Variants in GALNT7 observed in about 807,000 individuals in gnomAD.
The protein encoded by GALNT7 is N-acetylgalactosaminyltransferase 7.
A neutral mutation model predicts 82.1 loss-of-function variants in GALNT7; 60 were observed. That is an observed-to-expected ratio of 0.73 (90% confidence interval 0.59 to 0.91). GALNT7 has a LOEUF of 0.91. GALNT7 is among the 40% of genes least tolerant of loss of function. The pLI, the probability that GALNT7 is intolerant of heterozygous loss-of-function variation, is 0.00. For synonymous variants in GALNT7, 243 were observed against 275.1 expected, an observed-to-expected ratio of 0.88 and a Z score of 1.15; for missense variants, 660 against 804.2, an observed-to-expected ratio of 0.82 and a Z score of 2.17.
intron 2 of GALNT7, among the ~76,000 whole-genome samples, chr4:173,262,185 A>G (rs545040389): frequency 2.4e-4 from 37 of 152,266 alleles, no homozygotes; most frequent in African/African-American, 8.9e-4. Flanking sequence ...GAGCATTTTA[A>G]TAGCTTTTTT....
intron 1 of GALNT7, among the ~76,000 whole-genome samples, chr4:173,213,013 G>A (rs990696130): frequency 2.0e-5 from 3 of 152,084 alleles, no homozygotes; most frequent in Admixed American, 2.0e-4. Flanking sequence ...ACAAATGGAT[G>A]TAATTGTATA....
At chr4:173,177,506 T>C (rs1004645808) in intron 1 of GALNT7, among the ~76,000 whole-genome samples, 1 of 151,056 alleles carries the variant, frequency 6.6e-6, no homozygotes, top group Non-Finnish European at 1.5e-5. Context: ...AGGAGAAAAA[T>C]GTGTGTATTA....
Position 173,323,385 on chromosome 4 carries a change from T to C in GALNT7, c.*1668T>C, listed in dbSNP as rs997415880. 6.6e-6 allele frequency: 1 copy of C among 152,626 alleles called. No homozygotes were observed. Among genetic ancestry groups the C allele is most frequent in the Non-Finnish European group, 1.5e-5 (1 of 67,998 alleles). 9.5% of individuals were successfully genotyped at this position (152,626 alleles called of 1,614,324 possible). On this transcript the variant is annotated 3_prime_UTR_variant, in exon 12 of 12. Coordinates refer to ENST00000265000, the MANE Select transcript of GALNT7 (RefSeq NM_017423.3). ...TTTGAATTGTCAATTTGTATTTTGC[T>C]ACTGATCTGTGATCAACCATTTTAA...
At chr4:173,301,590 CCT>C (rs1736938481) in intron 6 of GALNT7, among the ~76,000 whole-genome samples, 1 of 152,014 alleles carries the variant, frequency 6.6e-6, no homozygotes, top group African/African-American at 2.4e-5. Context: ...TTGGCGAGCC[CCT>C]GAGCTATAAA....
At chr4:173,274,289 T>C (rs1735824904) in intron 2 of GALNT7, among the ~76,000 whole-genome samples, 2 of 152,340 alleles carry the variant, frequency 1.3e-5, no homozygotes, top group South Asian at 2.1e-4. Flanking sequence ...TTCAGTATTC[T>C]TAATTTTCCA....
intron 2 of GALNT7, among the ~76,000 whole-genome samples, chr4:173,254,668 A>G (rs533155021): frequency 2.4e-4 from 36 of 152,352 alleles, no homozygotes; most frequent in African/African-American, 8.4e-4. Context: ...TGGTGGTTCT[A>G]TGTGACCATC....
At chr4:173,218,024 G>A (rs35679682) in intron 1 of GALNT7, among the ~76,000 whole-genome samples, 17,971 of 152,216 alleles carry the variant, frequency 0.12, 1,346 homozygotes, top group Non-Finnish European at 0.17. Flanking sequence ...TAATTTCTCT[G>A]CCTGAATCAC....
chr4:173,290,181 T>C (rs1736483973), intron 2 of GALNT7, among the ~76,000 whole-genome samples: 1 of 152,256 alleles, frequency 6.6e-6, no homozygotes, highest in South Asian at 2.1e-4. Context: ...AGGATGATTA[T>C]TGAAACATTA....
chr4:173,270,808 T>C (rs1046325099), intron 2 of GALNT7, among the ~76,000 whole-genome samples: 1 of 152,270 alleles, frequency 6.6e-6, no homozygotes, highest in African/African-American at 2.4e-5. Context: ...TGTGTTTTCC[T>C]TTCCCGCTTA....
At chr4:173,182,058 A>C (rs189673982) in intron 1 of GALNT7, among the ~76,000 whole-genome samples, 8 of 152,350 alleles carry the variant, frequency 5.3e-5, no homozygotes, top group Non-Finnish European at 8.8e-5. Context: ...CAGTAAGATA[A>C]AAGTAAATGT....
At chr4:173,232,638 G>T (rs1734067475) in intron 1 of GALNT7, among the ~76,000 whole-genome samples, 1 of 152,020 alleles carries the variant, frequency 6.6e-6, no homozygotes, top group Non-Finnish European at 1.5e-5. Context: ...GTCTCTCTAT[G>T]CTGCCGAGGC....
intron 2 of GALNT7, among the ~76,000 whole-genome samples, chr4:173,283,389 C>T (rs1255574702): frequency 1.3e-5 from 2 of 152,062 alleles, no homozygotes; most frequent in Non-Finnish European, 2.9e-5. Flanking sequence ...CCTCTAATCC[C>T]AGCACTTTGG....
rs1160932016 is a variant in GALNT7, at chr4:173,301,630, G to T, written c.1149-417G>T. On this transcript the variant is annotated intron_variant, in intron 6 of 11. Transcript: ENST00000265000. ...TAAAAAATGACAGACTACTTCCATG[G>T]TGTATGGTTTTGTTCACCCAAGAAT... is the stretch of plus-strand genomic sequence containing the variant. 2.0e-5 allele frequency among the ~76,000 whole-genome samples: 3 copies of T among 152,178 alleles called. No individual in the cohort carries two copies. The East Asian group carries it at 5.8e-4, about 29-fold the overall frequency.
chr4:173,238,440 C>A (rs1232050702), intron 1 of GALNT7, among the ~76,000 whole-genome samples: 1 of 152,058 alleles, frequency 6.6e-6, no homozygotes, highest in Non-Finnish European at 1.5e-5. Flanking sequence ...TTTATTATTT[C>A]TAAAAAGTAT....
At chr4:173,278,760 G>A (rs947111797) in intron 2 of GALNT7, among the ~76,000 whole-genome samples, 1 of 152,188 alleles carries the variant, frequency 6.6e-6, no homozygotes, top group African/African-American at 2.4e-5. Context: ...CAGACTAAGA[G>A]TTGTAGCGTT....
At chr4:173,261,080 A>G (rs1258962045) in intron 2 of GALNT7, among the ~76,000 whole-genome samples, 3 of 152,324 alleles carry the variant, frequency 2.0e-5, no homozygotes, top group Admixed American at 6.5e-5. Flanking sequence ...TGTCGTCTAC[A>G]TTACACATTT....
intron 8 of GALNT7, among the ~76,000 whole-genome samples, chr4:173,312,671 A>G (rs1427523002): frequency 6.6e-6 from 1 of 152,218 alleles, no homozygotes; most frequent in Admixed American, 6.5e-5. Flanking sequence ...TCATGCAACC[A>G]TTCATTCATC....
chr4:173,267,261 C>G (rs1411688821), intron 2 of GALNT7, among the ~76,000 whole-genome samples: 1 of 152,006 alleles, frequency 6.6e-6, no homozygotes. Context: ...AGTAGAGGAT[C>G]AGTGTTGAGG....
chr4:173,224,916 G>A (rs894160356), intron 1 of GALNT7, among the ~76,000 whole-genome samples: 6 of 151,786 alleles, frequency 4.0e-5, no homozygotes, highest in Non-Finnish European at 8.8e-5. Context: ...TCGGGAGGCT[G>A]AGGCAGGAGA....
Sources: allele counts gnomAD v4.1 joint callset (sites outside exome capture counted in the v4.1 genomes callset), GRCh38; gene constraint gnomAD v4.1.1; transcripts MANE v1.5; gene names NCBI Gene and HGNC (gene_info 2026-07-23, HGNC 2026-07-21).